Variants in ZZEF1 observed in about 807,000 individuals in gnomAD.
ZZEF1 encodes the protein zinc finger ZZ-type and EF-hand domain-containing protein 1.
In ZZEF1, 157 loss-of-function variants were observed where a neutral mutation model predicts 342.8. The ratio of observed to expected loss-of-function variants is 0.46; its 90% confidence interval spans 0.40 to 0.52. The LOEUF is 0.52. ZZEF1 is among the 20% of genes least tolerant of loss of function. The pLI, the probability that ZZEF1 is intolerant of heterozygous loss-of-function variation, is 0.00. For missense variants in ZZEF1, 3,480 were observed against 3,725.6 expected, an observed-to-expected ratio of 0.93 and a Z score of 1.72; for synonymous variants, 1,505 against 1,429.1, an observed-to-expected ratio of 1.05 and a Z score of -1.20.
At position 4,017,180 on chromosome 17, in the gene ZZEF1, G is replaced by T. The variant is rs1481552811; in HGVS notation, c.8001+191C>A. The T allele has an allele frequency of 2.0e-5, 15 of 735,354 alleles. No homozygotes were observed. Among genetic ancestry groups the T allele is most frequent in the Non-Finnish European group, 3.1e-5 (15 of 478,460 alleles). The allele number at this position is 735,354 out of a possible 1,614,324, so 45.6% of individuals were successfully genotyped here. A position where few individuals can be genotyped will look rare whatever the true frequency, so the allele number is the denominator to read the frequency against. On this transcript the variant is annotated intron_variant, in intron 48 of 54. Transcript: ENST00000381638. This position sits in a 1 kb window ranked among gnomAD's most constrained non-coding sequence, Gnocchi z 5.1. ...CTGGTTCAGCTGGAAATCGCGCTCA[G>T]GGCCCCTGAGTTCCTCACTAGCCCA... is the stretch of plus-strand genomic sequence containing the variant.
chr17:4,088,584 C>A (rs2057884520), intron 13 of ZZEF1, 94 bp downstream of exon 13: 3 of 1,372,564 alleles, frequency 2.2e-6, no homozygotes, highest in Non-Finnish European at 3.0e-6. Context: ...TTGGCTTCCG[C>A]AGGGGCAGGT....
At chr17:4,023,934 G>A (rs879300948) in intron 43 of ZZEF1, among the ~76,000 whole-genome samples, 1 of 152,172 alleles carries the variant, frequency 6.6e-6, no homozygotes, top group African/African-American at 2.4e-5. Context: ...TCCCAGGGCT[G>A]GATCAGAGCT....
At chr17:4,009,526 G>A (rs1251613617) in intron 53 of ZZEF1, 78 bp downstream of exon 53, 1 of 1,594,324 alleles carries the variant, frequency 6.3e-7, no homozygotes, top group South Asian at 1.1e-5. Context: ...GGATGAGGCA[G>A]CAGCTTCTGC....
At position 4,077,879 on chromosome 17, in the gene ZZEF1, T is replaced by C; in HGVS notation, c.2989+4A>G. ...GTTTTCATGGATTTTATATTGAAAC[T>C]CACATTTTTCAATAAGGTCCACGGC... On this transcript the variant is annotated splice_donor_region_variant and intron_variant, in intron 19 of 54. Transcript: ENST00000381638. 1 of 1,612,904 alleles carries C rather than the reference T, an allele frequency of 6.2e-7. No individual in the cohort carries two copies. Among genetic ancestry groups the C allele is most frequent in the Non-Finnish European group, 8.5e-7 (1 of 1,179,440 alleles).
intron 42 of ZZEF1, among the ~76,000 whole-genome samples, chr17:4,025,910 A>G (rs1447560376): frequency 6.6e-6 from 1 of 152,230 alleles, no homozygotes; most frequent in East Asian, 1.9e-4. Context: ...ACGATTTCCA[A>G]GCTGCAAAGT....
At chr17:4,050,694 A>T in intron 36 of ZZEF1, 87 bp downstream of exon 36, 1 of 1,582,492 alleles carries the variant, frequency 6.3e-7, no homozygotes, top group Non-Finnish European at 8.6e-7. Flanking sequence ...GCCACCTGTA[A>T]ACTAAGCTTA....
At chr17:4,052,906 G>C (rs1180914060) in intron 34 of ZZEF1, among the ~76,000 whole-genome samples, 1 of 152,114 alleles carries the variant, frequency 6.6e-6, no homozygotes, top group African/African-American at 2.4e-5. Flanking sequence ...CCCAGACCCA[G>C]TGAGTGAGAG....
chr17:4,009,454 G>T (rs891454530), intron 53 of ZZEF1, 150 bp downstream of exon 53: 12 of 1,086,790 alleles, frequency 1.1e-5, no homozygotes, highest in Non-Finnish European at 1.5e-5. Flanking sequence ...AGAGGCGAGA[G>T]CCTCAGACTC....
chr17:4,064,905 C>T, intron 28 of ZZEF1, 76 bp from the exon 29 acceptor site: 3 of 1,101,554 alleles, frequency 2.7e-6, no homozygotes, highest in Non-Finnish European at 3.8e-6. Context: ...AGAGGGATAG[C>T]ATTAGAGGAT....
At chr17:4,074,054 C>T in intron 24 of ZZEF1, 96 bp downstream of exon 24, 1 of 1,353,942 alleles carries the variant, frequency 7.4e-7, no homozygotes, top group Non-Finnish European at 1.0e-6. Flanking sequence ...TTATTAACCC[C>T]CTGCCATTAC....
intron 52 of ZZEF1, among the ~76,000 whole-genome samples, chr17:4,012,275 G>A (rs60814684): frequency 0.035 from 5,254 of 152,248 alleles, 331 homozygotes; most frequent in African/African-American, 0.12. Context: ...ATGAGGACAC[G>A]GGGGTAACAG....
intron 26 of ZZEF1, among the ~76,000 whole-genome samples, chr17:4,070,123 A>G (rs2057480075): frequency 6.6e-6 from 1 of 152,148 alleles, no homozygotes; most frequent in South Asian, 2.1e-4. Context: ...TGGTGAGGAG[A>G]AGGTTATCAG....
At chr17:4,044,084 G>T in intron 38 of ZZEF1, 140 bp downstream of exon 38, 1 of 825,602 alleles carries the variant, frequency 1.2e-6, no homozygotes, top group Non-Finnish European at 1.9e-6. Context: ...GGTGTCATCA[G>T]CACCATCTGA....
chr17:4,124,732 A>C (rs1305243432), intron 1 of ZZEF1, among the ~76,000 whole-genome samples: 1 of 151,394 alleles, frequency 6.6e-6, no homozygotes, highest in Non-Finnish European at 1.5e-5. Context: ...TGCTGGGATT[A>C]CAGGTGTGGG....
At chr17:4,056,390 A>G in intron 32 of ZZEF1, 45 bp from the exon 33 acceptor site, 1 of 1,528,270 alleles carries the variant, frequency 6.5e-7, no homozygotes, top group Non-Finnish European at 8.8e-7. Flanking sequence ...TCTCCCAATC[A>G]CCAAGGAAAG....
intron 15 of ZZEF1, among the ~76,000 whole-genome samples, chr17:4,086,255 G>T (rs188103092): frequency 5.3e-5 from 8 of 152,180 alleles, no homozygotes; most frequent in Non-Finnish European, 1.0e-4. Flanking sequence ...GCTCAAAAGA[G>T]CATCAGGGGA....
Position 4,050,868 on chromosome 17 carries a change from G to A in ZZEF1, c.5776C>T (p.Pro1926Ser), listed in dbSNP as rs2057030005. The change falls in exon 36 of 55, where the codon CCC (proline) becomes TCC (serine). Residue 1926 changes from proline (P) to serine (S), a missense_variant. Physicochemically the swap from Pro to Ser is moderately conservative, Grantham distance 74. Coordinates refer to ENST00000381638, the MANE Select transcript of ZZEF1 (RefSeq NM_015113.4). ...AEDVDGEKLD[P>S]QTRSSATTLR... is the part of the protein sequence containing the mutation. Reference sequence around the variant, plus strand: ...GTGGTGGCACTGCTGCGCGTCTGGGGGTCCAGCTTCTCCCCATCCACATCC... The same window carrying A: ...GTGGTGGCACTGCTGCGCGTCTGGGAGTCCAGCTTCTCCCCATCCACATCC... The A allele has an allele frequency of 1.9e-6, 3 of 1,614,098 alleles. No homozygotes were observed. Among genetic ancestry groups the A allele is most frequent in the Admixed American group, 1.7e-5 (1 of 60,000 alleles).
Position 4,142,902 on chromosome 17 carries a change from T to C in ZZEF1, c.-7A>G, listed in dbSNP as rs1196678771. The C allele has an allele frequency of 1.5e-6, 2 of 1,332,010 alleles. No individual in the cohort carries two copies. Among genetic ancestry groups the C allele is most frequent in the African/African-American group, 1.5e-5 (1 of 64,860 alleles). The allele number at this position is 1,332,010 out of a possible 1,614,324, so 82.5% of individuals were successfully genotyped here. A position where few individuals can be genotyped will look rare whatever the true frequency, so the allele number is the denominator to read the frequency against. On this transcript the variant is annotated 5_prime_UTR_variant, in exon 1 of 55. Transcript: ENST00000381638. ...GACTCGGAGCGTTCCCCATGGGGTC[T>C]CCGTCTTGGGCGCCTGGCTCTGCAG...
At chr17:4,118,981 T>G (rs1394036801) in intron 2 of ZZEF1, among the ~76,000 whole-genome samples, 1 of 152,212 alleles carries the variant, frequency 6.6e-6, no homozygotes, top group Non-Finnish European at 1.5e-5. Flanking sequence ...TCAAGATCTC[T>G]GCAAACAATA....
Sources: gnomAD v4.1 joint callset for allele counts (sites outside exome capture counted in the v4.1 genomes callset) on GRCh38, gnomAD v4.1.1 for gene constraint, Gnocchi (gnomAD v3.1) non-coding constraint, MANE v1.5 for transcripts, NCBI Gene and HGNC (gene_info 2026-07-23, HGNC 2026-07-21) for gene names.